The following PAN3 variants were observed in gnomAD, a reference collection of about 807,000 sequenced individuals.
The protein encoded by PAN3 is PAN2-PAN3 deadenylation complex subunit PAN3.
In PAN3, 19 loss-of-function variants were observed where a neutral mutation model predicts 96.2. That is an observed-to-expected ratio of 0.20 (90% CI 0.14 to 0.29). PAN3 has a LOEUF of 0.29. Ranked by LOEUF, PAN3 falls within the 10% of genes least tolerant of loss-of-function variation. PAN3 has a pLI of 1.00. For missense variants in PAN3, 882 were observed against 1,108.1 expected (o/e 0.80, Z 2.90); for synonymous variants, 433 against 406.6 (o/e 1.06, Z -0.78).
intron 4 of PAN3, among the ~76,000 whole-genome samples, chr13:28,182,039 A>T (rs1197894018): frequency 1.3e-5 from 2 of 152,244 alleles, no homozygotes; most frequent in African/African-American, 4.8e-5. Flanking sequence ...TTATGAAAAG[A>T]AGTAGTTTTG....
intron 1 of PAN3, among the ~76,000 whole-genome samples, chr13:28,151,375 C>T (rs962784171): frequency 1.1e-4 from 16 of 152,058 alleles, no homozygotes; most frequent in South Asian, 1.0e-3. Context: ...ATTAGCCGGG[C>T]ATGGTGGTGG....
chr13:28,287,639 A>G (rs1347596734), intron 17 of PAN3, among the ~76,000 whole-genome samples: 1 of 152,236 alleles, frequency 6.6e-6, no homozygotes, highest in East Asian at 1.9e-4. Context: ...GATGTACCTG[A>G]CCTTTCTCTA....
intron 4 of PAN3, among the ~76,000 whole-genome samples, chr13:28,192,782 A>AT (rs1418050123): frequency 4.6e-5 from 7 of 152,108 alleles, no homozygotes; most frequent in Non-Finnish European, 7.4e-5. Flanking sequence ...TTGAAAGTAC[A>AT]TTTTTTTCTT....
chr13:28,228,513 T>C (rs1882227652), intron 6 of PAN3, among the ~76,000 whole-genome samples: 1 of 152,194 alleles, frequency 6.6e-6, no homozygotes, highest in Admixed American at 6.5e-5. Context: ...TCTTACATAT[T>C]GATATGTCTG....
At chr13:28,268,124 C>T (rs1484097893) in intron 12 of PAN3, among the ~76,000 whole-genome samples, 1 of 152,104 alleles carries the variant, frequency 6.6e-6, no homozygotes. Context: ...TAGAAATAGT[C>T]TCTCTGGCTT....
chr13:28,141,330 G>T (rs1467533752), intron 1 of PAN3, among the ~76,000 whole-genome samples: 2 of 151,768 alleles, frequency 1.3e-5, no homozygotes, highest in African/African-American at 2.4e-5. Flanking sequence ...TAAAATGCTG[G>T]TGTTAGACTT....
intron 4 of PAN3, among the ~76,000 whole-genome samples, chr13:28,182,534 T>G (rs1040389781): frequency 2.0e-5 from 3 of 152,256 alleles, no homozygotes; most frequent in Non-Finnish European, 4.4e-5. Flanking sequence ...TGTAAATTTT[T>G]TTAAGTTTTA....
chr13:28,218,165 T>TA (rs1194971448), intron 5 of PAN3, among the ~76,000 whole-genome samples: 12 of 152,090 alleles, frequency 7.9e-5, no homozygotes, highest in African/African-American at 2.9e-4. Context: ...TCTTTATTGT[T>TA]ACATGTTATT....
At chr13:28,214,162 A>G (rs188885136) in intron 5 of PAN3, among the ~76,000 whole-genome samples, 3 of 152,324 alleles carry the variant, frequency 2.0e-5, no homozygotes, top group Admixed American at 6.5e-5. Flanking sequence ...ATATATACGT[A>G]CGTATTATAT....
At chr13:28,290,121 GA>G (rs977806260) in intron 18 of PAN3, among the ~76,000 whole-genome samples, 1 of 152,168 alleles carries the variant, frequency 6.6e-6, no homozygotes, top group Non-Finnish European at 1.5e-5. Context: ...CATTTTTAAA[GA>G]GTTGTAAAAT....
chr13:28,264,173 ATAAT>A (rs150697786), intron 9 of PAN3, among the ~76,000 whole-genome samples: 2,963 of 152,288 alleles, frequency 0.019, 103 homozygotes, highest in African/African-American at 0.067. Context: ...AAATACTTTT[ATAAT>A]TATTTATACT....
intron 1 of PAN3, among the ~76,000 whole-genome samples, chr13:28,155,426 C>A (rs899109526): frequency 6.6e-5 from 10 of 151,604 alleles, no homozygotes; most frequent in Non-Finnish European, 1.0e-4. Context: ...CCGTCTCTAC[C>A]AAAAATACAA....
At chr13:28,284,023 T>TGCC (rs1868643214) in intron 17 of PAN3, among the ~76,000 whole-genome samples, 1 of 152,212 alleles carries the variant, frequency 6.6e-6, no homozygotes, top group Admixed American at 6.5e-5. Context: ...TGTGCATACT[T>TGCC]AATCTTATAT....
chr13:28,286,747 T>C (rs1318941853), intron 17 of PAN3, among the ~76,000 whole-genome samples: 1 of 152,206 alleles, frequency 6.6e-6, no homozygotes, highest in Non-Finnish European at 1.5e-5. Flanking sequence ...TGATGGGCTG[T>C]TGAAAGGGAG....
In PAN3 at chr13:28,272,091, G is replaced by A. The variant is rs1262721982; in HGVS notation, c.2049+20G>A. 1 of 1,432,646 alleles carries A rather than the reference G, an allele frequency of 7.0e-7. No individual in the cohort carries two copies. The highest frequency in any genetic ancestry group is 9.6e-7 in the Non-Finnish European group (1 of 1,040,532). The allele number at this position is 1,432,646 out of a possible 1,614,324, so 88.7% of individuals were successfully genotyped here. A position where few individuals can be genotyped will look rare whatever the true frequency, so the allele number is the denominator to read the frequency against. On this transcript the variant is annotated intron_variant, in intron 14 of 18. Transcript: ENST00000380958. Reference sequence around the variant, plus strand: ...TACCAGGTGAGTAAGAATTAACATGGATATTTACTTGTTTTCCTTTATTAA... The same window carrying A: ...TACCAGGTGAGTAAGAATTAACATGAATATTTACTTGTTTTCCTTTATTAA...
At chr13:28,263,990 T>C (rs1430576281) in intron 9 of PAN3, among the ~76,000 whole-genome samples, 2 of 152,186 alleles carry the variant, frequency 1.3e-5, no homozygotes, top group South Asian at 2.1e-4. Context: ...GTAACATTTG[T>C]TTGCATTATA....
At chr13:28,138,261 G>A (rs1192541251), upstream of PAN3, 2 of 153,062 alleles carry the variant, frequency 1.3e-5, no homozygotes, top group Admixed American at 1.3e-4. Context: ...CAGAGCGCGA[G>A]AGAGCGAGTG....
chr13:28,203,444 C>T (rs1012789359), intron 5 of PAN3, among the ~76,000 whole-genome samples: 2 of 152,050 alleles, frequency 1.3e-5, no homozygotes, highest in Non-Finnish European at 2.9e-5. Flanking sequence ...GCTGGGACTA[C>T]AGGTATGTGC....
At chr13:28,147,196 T>C (rs576535657) in intron 1 of PAN3, among the ~76,000 whole-genome samples, 1 of 152,350 alleles carries the variant, frequency 6.6e-6, no homozygotes, top group East Asian at 1.9e-4. Context: ...AACTAGCCTT[T>C]GGCTAGTCAT....
Sources: allele counts gnomAD v4.1 joint callset (sites outside exome capture counted in the v4.1 genomes callset), GRCh38; gene constraint gnomAD v4.1.1; transcripts MANE v1.5; gene names NCBI Gene and HGNC (gene_info 2026-07-23, HGNC 2026-07-21).